Variants in RPS19 observed in about 807,000 individuals in gnomAD.
RPS19 encodes small ribosomal subunit protein eS19.
RPS19 carries 1 observed loss-of-function variant against 20.3 expected under a neutral mutation model. The ratio of observed to expected loss-of-function variants is 0.05; its 90% CI spans 0.02 to 0.23. The LOEUF (loss-of-function observed/expected upper bound fraction) is 0.23, where lower values mean the gene tolerates loss of function less well. Ranked by LOEUF, RPS19 falls within the 10% of genes least tolerant of loss-of-function variation. RPS19 has a pLI of 1.00. For synonymous variants in RPS19, 87 were observed against 74.8 expected, an observed-to-expected ratio of 1.16 and a Z score of -0.84; for missense variants, 111 against 192.7, an observed-to-expected ratio of 0.58 and a Z score of 2.51.
chr19:41,863,946 A>G (rs12972552), intron 3 of RPS19: 94,625 of 150,616 alleles, frequency 0.63, 30,078 homozygotes, highest in Middle Eastern at 0.81. Flanking sequence ...GGGTTCAAGC[A>G]ATTCTCCTAC....
At chr19:41,861,590 C>G (rs2074032963) in intron 3 of RPS19, 1 of 348,398 alleles carries the variant, frequency 2.9e-6, no homozygotes, top group Non-Finnish European at 5.6e-6. Flanking sequence ...TGTGCACTCT[C>G]TCATCCCCAA....
chr19:41,872,017 T>A lies in RPS19; in HGVS notation c.*640T>A, dbSNP rs2074154043. 1 of 153,374 alleles carries A rather than the reference T, an allele frequency of 6.5e-6. No individual in the cohort carries two copies. Among genetic ancestry groups the A allele is most frequent in the South Asian group, 2.0e-4 (1 of 4,938 alleles). The allele number at this position is 153,374 out of a possible 1,614,324, so 9.5% of individuals were successfully genotyped here. On this transcript the variant is annotated 3_prime_UTR_variant, in exon 6 of 6. Coordinates refer to ENST00000598742, the MANE Select transcript of RPS19 (RefSeq NM_001022.4). ...GCACAGGCTGAATGGTCCTTGAGCC[T>A]TCACTCTGCATCTGAGCGGTCTTGG...
intron 3 of RPS19, among the ~76,000 whole-genome samples, chr19:41,866,715 G>T (rs2074094048): frequency 6.6e-6 from 1 of 152,126 alleles, no homozygotes; most frequent in South Asian, 2.1e-4. Context: ...ACTATAAAAT[G>T]GTGTAATATC....
intron 1 of RPS19, 159 bp from the exon 2 acceptor site, chr19:41,860,616 A>G: frequency 1.3e-6 from 1 of 751,254 alleles, no homozygotes; most frequent in Admixed American, 1.8e-5. Flanking sequence ...GCTCCTTCAG[A>G]CCCGCAGGAG....
At chr19:41,868,055 A>G (rs1191495243) in intron 3 of RPS19, among the ~76,000 whole-genome samples, 1 of 152,180 alleles carries the variant, frequency 6.6e-6, no homozygotes, top group Non-Finnish European at 1.5e-5. Context: ...CAGTTATGGA[A>G]GAACCCCCAA....
At chr19:41,870,693 G>A (rs569307951) in intron 5 of RPS19, among the ~76,000 whole-genome samples, 16 of 152,094 alleles carry the variant, frequency 1.1e-4, no homozygotes, top group Admixed American at 7.9e-4. Context: ...CAAAAGAATG[G>A]AAAGTGTCAG....
intron 3 of RPS19, among the ~76,000 whole-genome samples, chr19:41,866,304 C>T (rs560599167): frequency 6.6e-6 from 1 of 152,288 alleles, no homozygotes; most frequent in East Asian, 1.9e-4. Flanking sequence ...GTTCCCCAGT[C>T]CTGGGTACTG....
intron 3 of RPS19, among the ~76,000 whole-genome samples, chr19:41,867,683 T>C (rs540204525): frequency 1.3e-5 from 2 of 152,178 alleles, no homozygotes; most frequent in African/African-American, 2.4e-5. Flanking sequence ...CACATACTTA[T>C]AGTCCCAGCT....
At chr19:41,869,540 C>T (rs1330128841) in intron 4 of RPS19, 159 bp from the exon 5 acceptor site, 1 of 719,874 alleles carries the variant, frequency 1.4e-6, no homozygotes, top group African/African-American at 1.8e-5. Context: ...GCTCCCACTA[C>T]TGCCCCCAGC....
At chr19:41,863,564 C>G (rs2074054934) in intron 3 of RPS19, among the ~76,000 whole-genome samples, 1 of 152,172 alleles carries the variant, frequency 6.6e-6, no homozygotes, top group Non-Finnish European at 1.5e-5. Flanking sequence ...CCTTGCTGAG[C>G]AGGGCCAAAT....
intron 3 of RPS19, among the ~76,000 whole-genome samples, chr19:41,868,243 C>T (rs1431224144): frequency 1.3e-5 from 2 of 152,200 alleles, no homozygotes; most frequent in Non-Finnish European, 2.9e-5. Context: ...GGTGCCATCA[C>T]AGTGGCAGGA....
At chr19:41,865,435 A>G (rs1268593815) in intron 3 of RPS19, among the ~76,000 whole-genome samples, 8 of 151,734 alleles carry the variant, frequency 5.3e-5, no homozygotes, top group Admixed American at 2.6e-4. Context: ...CTCAAGGTTT[A>G]AGTAAAGTGT....
chr19:41,871,903 G>T lies in RPS19; in HGVS notation c.*526G>T. On this transcript the variant is annotated 3_prime_UTR_variant, in exon 6 of 6. Coordinates refer to ENST00000598742, the MANE Select transcript of RPS19 (RefSeq NM_001022.4). The stretch of plus-strand genomic sequence containing the variant: ...GGGCCCAGGGTTCATGCTCTTCCCT[G>T]GAAGGTAGAAAAGGACAGACCACCA... The T allele has an allele frequency of 5.7e-6, 1 of 174,216 alleles. No individual in the cohort carries two copies. Among genetic ancestry groups the T allele is most frequent in the Non-Finnish European group, 1.2e-5 (1 of 80,500 alleles). The allele number at this position is 174,216 out of a possible 1,614,324, so 10.8% of individuals were successfully genotyped here. A position where few individuals can be genotyped will look rare whatever the true frequency, so the allele number is the denominator to read the frequency against.
rs35155067 is a variant in RPS19 at position 41,865,949 on chromosome 19, T to TAAAA, written c.173-3063_173-3060dup. On this transcript the variant is annotated intron_variant, in intron 3 of 5. Transcript: ENST00000598742. ...GGGCGACAGAGTGAGACTCCGTCTT[T>TAAAA]AAAAAAAAAAAAAAAAAAAAAAGGC... Among the ~76,000 whole-genome samples, 9 of 74,518 alleles carry TAAAA rather than the reference T, an allele frequency of 1.2e-4. No individual in the cohort carries two copies. The South Asian group carries it at 2.5e-3, about 20-fold the overall frequency. The allele number at this position is 74,518 out of a possible 152,430, so 48.9% of individuals were successfully genotyped here.
intron 5 of RPS19, among the ~76,000 whole-genome samples, chr19:41,871,063 A>G (rs773411999): frequency 6.6e-6 from 1 of 151,600 alleles, no homozygotes; most frequent in East Asian, 1.9e-4. Context: ...GGGTTTCACC[A>G]TATTGGTCAG....
At chr19:41,860,663 G>A (rs2123255321) in intron 1 of RPS19, 112 bp from the exon 2 acceptor site, 1 of 869,060 alleles carries the variant, frequency 1.2e-6, no homozygotes, top group South Asian at 1.3e-5. Context: ...GGGAAGTAAC[G>A]GGGGGTACCA....
In RPS19 at chr19:41,871,550, G is replaced by A. The variant is rs193271780; in HGVS notation, c.*173G>A. 74 of 647,082 alleles carry A rather than the reference G, an allele frequency of 1.1e-4. No individual in the cohort carries two copies. In the African/African-American group the frequency reaches 1.2e-3, roughly 10 times the overall value. 40.1% of individuals were successfully genotyped at this position (647,082 alleles called of 1,614,324 possible). On this transcript the variant is annotated 3_prime_UTR_variant, in exon 6 of 6. Transcript: ENST00000598742. ...TCCTGCCTCAGCCTCCCAAAGTGCT[G>A]GGATTACAAGTGTGAGCCACTGTGC...
At chr19:41,861,256 AC>A in intron 3 of RPS19, 44 bp downstream of exon 3, 1 of 1,402,666 alleles carries the variant, frequency 7.1e-7, no homozygotes, top group Non-Finnish European at 1.0e-6. Flanking sequence ...GAGCTGGGTG[AC>A]CCCTGGCACA....
intron 3 of RPS19, 25 bp from the exon 4 acceptor site, chr19:41,869,006 A>C (rs1478134059): frequency 1.2e-6 from 2 of 1,611,952 alleles, no homozygotes; most frequent in South Asian, 1.1e-5. Context: ...AAGACCCTTA[A>C]ATCTCCCTCT....
Sources: allele counts gnomAD v4.1 joint callset (sites outside exome capture counted in the v4.1 genomes callset), GRCh38; gene constraint gnomAD v4.1.1; transcripts MANE v1.5; gene names NCBI Gene and HGNC (gene_info 2026-07-23, HGNC 2026-07-21).